ZNF438: variants seen among roughly 807,000 people sequenced by gnomAD.
ZNF438 encodes zinc finger protein 438.
Under a neutral mutation model 38.0 loss-of-function variants are expected in ZNF438, and 25 were observed. The observed-to-expected ratio is 0.66, with a 90% CI of 0.48 to 0.92. The LOEUF (loss-of-function observed/expected upper bound fraction) is 0.92. ZNF438 is among the 40% of genes least tolerant of loss of function. The pLI is 0.00. For missense variants in ZNF438, 1,007 were observed against 999.6 expected (o/e 1.01, Z -0.10); for synonymous variants, 372 against 364.1 (o/e 1.02, Z -0.25).
At chr10:30,849,796 C>G (rs775417494) in exon 5 of ZNF438, 25 of 1,614,054 alleles carry the variant, frequency 1.5e-5, no homozygotes, top group African/African-American at 5.3e-5. Context: ...CTGGTGGTCT[C>G]AAGTCCCCAT....
intron 1 of ZNF438, among the ~76,000 whole-genome samples, chr10:30,947,019 T>C (rs1328524882): frequency 1.3e-5 from 2 of 152,262 alleles, no homozygotes; most frequent in Admixed American, 6.5e-5. Context: ...TCCTCCTTCC[T>C]GTCTTTTGTG....
Position 31,018,103 on chromosome 10 carries a change from G to A in ZNF438, c.-192+13730C>T, listed in dbSNP as rs949237118. ...CCTTAATTTGAACCTTGCCTGGACT[G>A]TCTGCCACTGTCAGGCCAAGAAAAT... On this transcript the variant is annotated intron_variant, in intron 1 of 5. Transcript: ENST00000413025. Among the ~76,000 whole-genome samples the A allele has an allele frequency of 5.3e-5, 8 of 152,304 alleles. No individual in the cohort carries two copies. In the South Asian group the frequency reaches 1.4e-3, roughly 28 times the overall value.
In ZNF438 at chr10:30,866,565, TG is replaced by T. The variant is rs202127015; in HGVS notation, c.37+10432del. Among the ~76,000 whole-genome samples, 744 of 152,294 alleles carry T rather than the reference TG, an allele frequency of 4.9e-3. 30 individuals are homozygous for T. In the South Asian group the frequency reaches 0.074, roughly 15 times the overall value. ...ACTGGTGCTTATGGGTCAGGCGCGG[TG>T]GCTCACGCCTGTAATCCCAGCACTT... On this transcript the variant is annotated intron_variant, in intron 4 of 5. Coordinates refer to ENST00000413025, the Ensembl canonical transcript of ZNF438.
At chr10:30,894,090 C>T (rs892771283) in intron 3 of ZNF438, among the ~76,000 whole-genome samples, 1 of 152,154 alleles carries the variant, frequency 6.6e-6, no homozygotes, top group African/African-American at 2.4e-5. Flanking sequence ...TAGAGCTTAA[C>T]TGGAACATTT....
chr10:30,913,688 G>A (rs140195246), intron 2 of ZNF438, among the ~76,000 whole-genome samples: 1 of 152,138 alleles, frequency 6.6e-6, no homozygotes, highest in Admixed American at 6.6e-5. Context: ...CAGGCACAAG[G>A]GGAAGAAGAA....
intron 1 of ZNF438, among the ~76,000 whole-genome samples, chr10:30,985,440 C>T (rs1395586684): frequency 2.6e-5 from 4 of 152,172 alleles, no homozygotes; most frequent in Non-Finnish European, 5.9e-5. Flanking sequence ...AAAGTGAAAA[C>T]TGGTTGGCTC....
chr10:30,901,931 C>T (rs2042043027), intron 3 of ZNF438, among the ~76,000 whole-genome samples: 1 of 152,112 alleles, frequency 6.6e-6, no homozygotes, highest in African/African-American at 2.4e-5. Flanking sequence ...GTGAGTGTTA[C>T]AGCTCTTAAG....
chr10:30,872,170 C>T (rs995097928), intron 4 of ZNF438, among the ~76,000 whole-genome samples: 4 of 151,444 alleles, frequency 2.6e-5, no homozygotes, highest in African/African-American at 4.9e-5. Context: ...CTGAGGTGGG[C>T]GGATTACAAG....
intron 1 of ZNF438, among the ~76,000 whole-genome samples, chr10:30,976,118 A>G (rs1274038084): frequency 6.6e-6 from 1 of 152,146 alleles, no homozygotes; most frequent in African/African-American, 2.4e-5. Flanking sequence ...GTTAAAAATG[A>G]AAACCAAATT....
intron 2 of ZNF438, among the ~76,000 whole-genome samples, chr10:30,937,851 T>G (rs2046411599): frequency 6.6e-6 from 1 of 152,212 alleles, no homozygotes; most frequent in Non-Finnish European, 1.5e-5. Context: ...TTTGATCATG[T>G]CACCTGTCTC....
chr10:30,953,755 T>G (rs1253330912), intron 1 of ZNF438, among the ~76,000 whole-genome samples: 3 of 151,810 alleles, frequency 2.0e-5, no homozygotes, highest in African/African-American at 7.3e-5. Context: ...TTAGTGAAGG[T>G]TTGAACAACA....
In ZNF438 at chr10:31,010,892, G is replaced by GAAAAA. The variant is rs563189482; in HGVS notation, c.-192+20936_-192+20940dup. Reference sequence around the variant, plus strand: ...TGGATAACGAAGTGAGACCCTGTTTGAAAAAAAAAAAAAAAAAAAAAAAAA... The same window carrying GAAAAA: ...TGGATAACGAAGTGAGACCCTGTTTGAAAAAAAAAAAAAAAAAAAAAAAAAAAAAA... On this transcript the variant is annotated intron_variant, in intron 1 of 5. Coordinates refer to ENST00000413025, the Ensembl canonical transcript of ZNF438. Among the ~76,000 whole-genome samples the GAAAAA allele has an allele frequency of 1.8e-3, 166 of 92,568 alleles. 8 individuals carry two copies. Among genetic ancestry groups the GAAAAA allele is most frequent in the African/African-American group, 8.0e-3 (150 of 18,696 alleles). 60.7% of individuals were successfully genotyped at this position (92,568 alleles called of 152,430 possible).
At chr10:30,976,145 AT>A (rs1224996533) in intron 1 of ZNF438, among the ~76,000 whole-genome samples, 1 of 152,182 alleles carries the variant, frequency 6.6e-6, no homozygotes, top group Non-Finnish European at 1.5e-5. Flanking sequence ...AAAACTTTAA[AT>A]CAAAACAGCA....
chr10:30,953,339 A>G (rs935452283), intron 1 of ZNF438, among the ~76,000 whole-genome samples: 2 of 152,216 alleles, frequency 1.3e-5, no homozygotes, highest in Non-Finnish European at 2.9e-5. Context: ...CCAGCGTGGC[A>G]CATGTATACA....
At chr10:30,947,892 C>G (rs1003562009) in intron 1 of ZNF438, among the ~76,000 whole-genome samples, 1 of 152,206 alleles carries the variant, frequency 6.6e-6, no homozygotes. Flanking sequence ...GCTCGCGCAC[C>G]CACTGACCTG....
chr10:30,900,593 G>A (rs1048828130), intron 3 of ZNF438, among the ~76,000 whole-genome samples: 1 of 152,128 alleles, frequency 6.6e-6, no homozygotes, highest in Non-Finnish European at 1.5e-5. Flanking sequence ...CCTTGGGATG[G>A]ATATTTTATG....
At chr10:30,845,161 G>T in exon 6 of ZNF438, 1 of 1,614,210 alleles carries the variant, frequency 6.2e-7, no homozygotes, top group Middle Eastern at 1.6e-4. Context: ...TGGAGGCCAG[G>T]ACACTCAGGG....
intron 1 of ZNF438, among the ~76,000 whole-genome samples, chr10:30,992,216 G>A (rs2090458411): frequency 6.6e-6 from 1 of 152,132 alleles, no homozygotes; most frequent in Non-Finnish European, 1.5e-5. Context: ...GAAACAGACT[G>A]AGACATAAAA....
chr10:30,911,901 C>T (rs1195367361), intron 2 of ZNF438, among the ~76,000 whole-genome samples: 1 of 152,018 alleles, frequency 6.6e-6, no homozygotes, highest in Non-Finnish European at 1.5e-5. Context: ...AAAGTGGTGC[C>T]CCTCCTCCTT....
Sources: gnomAD v4.1 joint callset for allele counts (sites outside exome capture counted in the v4.1 genomes callset) on GRCh38, gnomAD v4.1.1 for gene constraint, MANE v1.5 for transcripts, NCBI Gene and HGNC (gene_info 2026-07-23, HGNC 2026-07-21) for gene names.